Variants in PSME3IP1 observed in about 807,000 individuals in gnomAD.
PSME3IP1 encodes PSME3-interacting protein.
In PSME3IP1, 13 loss-of-function variants were observed where a neutral mutation model predicts 34.1. The ratio of observed to expected loss-of-function variants is 0.38; its 90% confidence interval spans 0.25 to 0.61. The LOEUF (loss-of-function observed/expected upper bound fraction) is 0.61. PSME3IP1 is among the 20% of genes least tolerant of loss of function. PSME3IP1 has a pLI of 0.60. For missense variants in PSME3IP1, 237 were observed against 301.4 expected (o/e 0.79, Z 1.58); for synonymous variants, 93 against 114.3 (o/e 0.81, Z 1.19).
chr16:57,160,061 C>T (rs765466024), intron 6 of PSME3IP1, among the ~76,000 whole-genome samples: 20 of 152,046 alleles, frequency 1.3e-4, no homozygotes, highest in African/African-American at 4.1e-4. Context: ...GAGGCCGAGG[C>T]GGGTGGATCA....
chr16:57,184,278 A>G (rs1180913914), intron 1 of PSME3IP1, among the ~76,000 whole-genome samples: 2 of 152,176 alleles, frequency 1.3e-5, no homozygotes, highest in Non-Finnish European at 2.9e-5. Flanking sequence ...AAGAAGCAAT[A>G]TATGCATATA....
chr16:57,172,753 A>T (rs1567418574), intron 3 of PSME3IP1, 23 bp downstream of exon 3: 1 of 1,544,190 alleles, frequency 6.5e-7, no homozygotes, highest in East Asian at 2.2e-5. Context: ...AGCCCCTTGA[A>T]CTCTCTGTTT....
intron 6 of PSME3IP1, among the ~76,000 whole-genome samples, chr16:57,159,687 AGGAAGAAG>A (rs1490269747): frequency 6.6e-6 from 1 of 152,214 alleles, no homozygotes; most frequent in African/African-American, 2.4e-5. Context: ...ATGCAGGAGT[AGGAAGAAG>A]GGATTTAGAA....
intron 2 of PSME3IP1, 149 bp from the exon 3 acceptor site, chr16:57,173,023 C>T: frequency 1.7e-6 from 1 of 605,658 alleles, no homozygotes. Context: ...AAAAATAGTA[C>T]AAAGTCCAGT....
rs72778730 is a variant in PSME3IP1, at chr16:57,178,335, A to G, written c.-15-4466T>C. 9.6e-3 allele frequency among the ~76,000 whole-genome samples: 1,469 copies of G among 152,288 alleles called. 25 individuals carry two copies. The highest frequency in any genetic ancestry group is 9.8e-3 in the Non-Finnish European group (666 of 68,022). On this transcript the variant is annotated intron_variant, in intron 1 of 6. Transcript: ENST00000309137. ...TTTCCAAGACCTCCTAGAGTAGTTAATATGTATTTCCTTCCTTTGTGTTCC... is the reference window on the plus strand; with the variant it reads ...TTTCCAAGACCTCCTAGAGTAGTTAGTATGTATTTCCTTCCTTTGTGTTCC...
In PSME3IP1 at chr16:57,152,562, G is replaced by A. The variant is rs369666229; in HGVS notation, c.*1728C>T. The A allele has an allele frequency of 6.6e-6, 1 of 152,592 alleles. No individual in the cohort carries two copies. The highest frequency in any genetic ancestry group is 1.9e-4 in the East Asian group (1 of 5,208). The allele number at this position is 152,592 out of a possible 1,614,324, so 9.5% of individuals were successfully genotyped here. A position where few individuals can be genotyped will look rare whatever the true frequency, so the allele number is the denominator to read the frequency against. ...TTCTTTCCACATCAAGAGGCCATGA[G>A]ATACAGTAATGGCCTCTTAAGAGTC... On this transcript the variant is annotated 3_prime_UTR_variant, in exon 7 of 7. Transcript: ENST00000309137.
At chr16:57,172,987 G>A in intron 2 of PSME3IP1, 113 bp from the exon 3 acceptor site, 1 of 728,994 alleles carries the variant, frequency 1.4e-6, no homozygotes, top group Non-Finnish European at 2.4e-6. Context: ...TCAAGTCTCT[G>A]CATGATCTGA....
chr16:57,159,963 G>A (rs1043463445), intron 6 of PSME3IP1, among the ~76,000 whole-genome samples: 2 of 152,108 alleles, frequency 1.3e-5, no homozygotes, highest in South Asian at 4.1e-4. Context: ...GACTGCACCT[G>A]TGAATAGTCA....
chr16:57,178,281 C>T (rs1426596985), intron 1 of PSME3IP1, among the ~76,000 whole-genome samples: 1 of 152,232 alleles, frequency 6.6e-6, no homozygotes, highest in Non-Finnish European at 1.5e-5. Context: ...CGCCCAGAAT[C>T]AGACTAAAGA....
intron 1 of PSME3IP1, chr16:57,174,620 C>A: frequency 5.1e-6 from 5 of 985,386 alleles, no homozygotes; most frequent in Non-Finnish European, 6.0e-6. Context: ...CTTGATTCAC[C>A]TGCTCTTGCC....
chr16:57,153,849 G>A lies in PSME3IP1; in HGVS notation c.*441C>T, dbSNP rs118008654. ...CTTCCCCCGCATGCTCCACAATGCA[G>A]TAGAACCAAACAACACATTCATTTA... On this transcript the variant is annotated 3_prime_UTR_variant, in exon 7 of 7. Coordinates refer to ENST00000309137, the MANE Select transcript of PSME3IP1 (RefSeq NM_024946.4). 0.015 allele frequency: 2,680 copies of A among 173,110 alleles called. 33 individuals carry two copies. Among genetic ancestry groups the A allele is most frequent in the Non-Finnish European group, 0.024 (1,931 of 80,102 alleles). 10.7% of individuals were successfully genotyped at this position (173,110 alleles called of 1,614,324 possible).
chr16:57,157,902 C>T (rs1407665140), intron 6 of PSME3IP1, among the ~76,000 whole-genome samples: 2 of 152,154 alleles, frequency 1.3e-5, no homozygotes, highest in African/African-American at 4.8e-5. Flanking sequence ...ATCTCTGTAA[C>T]CCCAAGAGCA....
chr16:57,160,368 A>G (rs1249347632), intron 6 of PSME3IP1, among the ~76,000 whole-genome samples: 2 of 152,230 alleles, frequency 1.3e-5, no homozygotes, highest in East Asian at 3.8e-4. Flanking sequence ...TACAGTATAC[A>G]TTTATCCTAT....
chr16:57,169,210 A>G (rs1233993174), intron 4 of PSME3IP1, among the ~76,000 whole-genome samples: 3 of 152,244 alleles, frequency 2.0e-5, no homozygotes, highest in Admixed American at 2.0e-4. Context: ...TCATTAGATC[A>G]GCATTCTCTT....
rs760712422 is a variant in PSME3IP1 at position 57,167,224 on chromosome 16, A to G, written c.351T>C (p.Asn117=). 3 of 1,614,238 alleles carry G rather than the reference A, an allele frequency of 1.9e-6. No homozygotes were observed. In the South Asian group the frequency reaches 3.3e-5, roughly 18 times the overall value. Residue 117 remains asparagine (N), a splice_region_variant and synonymous_variant, in exon 5 of 7, where the codon AAT becomes AAC. Coordinates refer to ENST00000309137, the MANE Select transcript of PSME3IP1 (RefSeq NM_024946.4). ...EELKELKEYR[N]NLKKVGISQE... ...GAGAAATTCCAACCTTCTTGAGGTT[A>G]TTGTGAGTTACCAGTTAAGGGTCAA...
chr16:57,164,029 C>T lies in PSME3IP1; in HGVS notation c.519G>A (p.Pro173=), dbSNP rs373464471. The change falls in exon 6 of 7, where the codon CCG becomes CCA. Residue 173 remains proline, a synonymous_variant. Transcript: ENST00000309137. ...ESGNSVKRLK[P]DPEPDDKNQE... ...GATTCTTGTCATCTGGCTCAGGGTC[C>T]GGTTTCAGTCTTTTCACACTGTTGC... The T allele has an allele frequency of 3.0e-5, 49 of 1,613,994 alleles. No individual in the cohort carries two copies. Among genetic ancestry groups the T allele is most frequent in the East Asian group, 4.5e-5 (2 of 44,892 alleles).
intron 5 of PSME3IP1, among the ~76,000 whole-genome samples, chr16:57,166,137 G>C (rs770375054): frequency 6.6e-6 from 1 of 152,180 alleles, no homozygotes; most frequent in Non-Finnish European, 1.5e-5. Context: ...GCAGCAGATG[G>C]GTGGTGTGCC....
At chr16:57,182,540 C>A (rs1485321901) in intron 1 of PSME3IP1, among the ~76,000 whole-genome samples, 3 of 138,886 alleles carry the variant, frequency 2.2e-5, no homozygotes, top group Admixed American at 7.3e-5. Flanking sequence ...TAAGGAGATA[C>A]CCATTTCCCT....
chr16:57,173,660 C>T (rs1435104081), intron 2 of PSME3IP1, 68 bp downstream of exon 2: 3 of 1,566,538 alleles, frequency 1.9e-6, no homozygotes, highest in African/African-American at 1.4e-5. Flanking sequence ...CAAGTGAGGA[C>T]AATTAATACC....
Sources: gnomAD v4.1 joint callset for allele counts (sites outside exome capture counted in the v4.1 genomes callset) on GRCh38, gnomAD v4.1.1 for gene constraint, MANE v1.5 for transcripts, NCBI Gene and HGNC (gene_info 2026-07-23, HGNC 2026-07-21) for gene names.